The following ST6GAL1 variants were observed in gnomAD, a reference collection of about 807,000 sequenced individuals.
ST6GAL1 encodes the protein ST6 beta-galactoside alpha-2,6-sialyltransferase 1, also known as beta-galactoside alpha-2,6-sialyltransferase 1.
Under a neutral mutation model 38.0 loss-of-function variants are expected in ST6GAL1, and 20 were observed. The ratio of observed to expected loss-of-function variants is 0.53; its 90% CI spans 0.37 to 0.77. The LOEUF (loss-of-function observed/expected upper bound fraction) is 0.77, where lower values mean the gene tolerates loss of function less well. Among genes scored for constraint, ST6GAL1 ranks in the 30% least tolerant of loss-of-function variants. The pLI, the probability that ST6GAL1 is intolerant of heterozygous loss-of-function variation, is 0.00. For missense variants in ST6GAL1, 432 were observed against 496.4 expected, an observed-to-expected ratio of 0.87 and a Z score of 1.23; for synonymous variants, 196 against 188.2, an observed-to-expected ratio of 1.04 and a Z score of -0.34.
At chr3:186,987,725 C>T (rs1716001564) in intron 2 of ST6GAL1, among the ~76,000 whole-genome samples, 1 of 152,192 alleles carries the variant, frequency 6.6e-6, no homozygotes, top group Non-Finnish European at 1.5e-5. Context: ...TATAAACCAA[C>T]TGTATCAGGC....
chr3:187,038,045 T>G (rs996629956), intron 2 of ST6GAL1, among the ~76,000 whole-genome samples: 8 of 152,072 alleles, frequency 5.3e-5, no homozygotes, highest in Non-Finnish European at 1.0e-4. Context: ...TAAATAATTT[T>G]TTGAAAATCT....
chr3:187,059,277 G>A (rs902964633), intron 5 of ST6GAL1, among the ~76,000 whole-genome samples: 5 of 152,164 alleles, frequency 3.3e-5, no homozygotes, highest in Admixed American at 6.5e-5. Flanking sequence ...GCCTTGCCCC[G>A]TAGAGAGAGA....
At chr3:186,936,956 A>AAG (rs1713978428) in intron 1 of ST6GAL1, among the ~76,000 whole-genome samples, 1 of 129,336 alleles carries the variant, frequency 7.7e-6, no homozygotes, top group African/African-American at 3.1e-5. Context: ...AAAAAAAAAA[A>AAG]AAAAAAGAAA....
In ST6GAL1 at chr3:187,049,331, C is replaced by G. The variant is rs537883110; in HGVS notation, c.608-1918C>G. On this transcript the variant is annotated intron_variant, in intron 4 of 7. Coordinates refer to ENST00000169298, the MANE Select transcript of ST6GAL1 (RefSeq NM_173216.2). ...ACCTATTCCGCCATGTTTCGCCTTG[C>G]AGAGTAAACTCAAGCTGTATCTTTC... Among the ~76,000 whole-genome samples, 3 of 152,334 alleles carry G rather than the reference C, an allele frequency of 2.0e-5. No individual in the cohort carries two copies. The South Asian group carries it at 6.2e-4, about 32-fold the overall frequency.
chr3:186,940,747 T>C (rs1714138341), intron 1 of ST6GAL1, among the ~76,000 whole-genome samples: 1 of 151,884 alleles, frequency 6.6e-6, no homozygotes, highest in Non-Finnish European at 1.5e-5. Context: ...GCCTTGTTCA[T>C]TTTACTGTGT....
rs186475993 is a variant in ST6GAL1, at chr3:186,956,653, T to C, written c.-324-7132T>C. Among the ~76,000 whole-genome samples the C allele has an allele frequency of 5.6e-3, 857 of 152,322 alleles. 3 individuals carry two copies. Among genetic ancestry groups the C allele is most frequent in the Middle Eastern group, 0.044 (13 of 294 alleles). Reference sequence around the variant, plus strand: ...GCTAGAGGAGTCTTTCTGCATAAACTTAAGAGCCCAAGAGAAAAAGCCTAT... The same window carrying C: ...GCTAGAGGAGTCTTTCTGCATAAACCTAAGAGCCCAAGAGAAAAAGCCTAT... On this transcript the variant is annotated intron_variant, in intron 1 of 7. Transcript: ENST00000169298.
intron 1 of ST6GAL1, among the ~76,000 whole-genome samples, chr3:186,958,933 A>T (rs1322248716): frequency 6.8e-6 from 1 of 147,924 alleles, no homozygotes; most frequent in East Asian, 2.0e-4. Flanking sequence ...AGTCAGGGTG[A>T]CAGAGCGAGA....
At chr3:186,994,482 A>T (rs190244804) in intron 2 of ST6GAL1, among the ~76,000 whole-genome samples, 1 of 152,154 alleles carries the variant, frequency 6.6e-6, no homozygotes, top group African/African-American at 2.4e-5. Context: ...TAAACAGACC[A>T]TATATTCTGT....
At chr3:186,992,600 C>A (rs2108546522) in intron 2 of ST6GAL1, among the ~76,000 whole-genome samples, 1 of 152,254 alleles carries the variant, frequency 6.6e-6, no homozygotes, top group South Asian at 2.1e-4. Flanking sequence ...TCAAGACCAG[C>A]CTGGCCAACA....
intron 2 of ST6GAL1, among the ~76,000 whole-genome samples, chr3:186,999,160 A>G (rs1716521061): frequency 6.6e-6 from 1 of 152,202 alleles, no homozygotes; most frequent in Non-Finnish European, 1.5e-5. Flanking sequence ...TTTTAAATGC[A>G]TATGCGAAAG....
intron 5 of ST6GAL1, chr3:187,072,641 G>A (rs1382845708): frequency 1.1e-5 from 6 of 550,198 alleles, no homozygotes; most frequent in African/African-American, 1.9e-5. Context: ...TATGGCTAGT[G>A]GCTTGTGATA....
intron 2 of ST6GAL1, among the ~76,000 whole-genome samples, chr3:186,987,252 G>GAAGAAAGA (rs1342235247): frequency 6.7e-6 from 1 of 150,144 alleles, no homozygotes. Flanking sequence ...GGAAAGAAAG[G>GAAGAAAGA]AAGAAAGAAA....
chr3:186,994,058 T>C (rs1451758179), intron 2 of ST6GAL1, among the ~76,000 whole-genome samples: 1 of 152,220 alleles, frequency 6.6e-6, no homozygotes, highest in Non-Finnish European at 1.5e-5. Context: ...GGGATGAGAT[T>C]GTCTTCAATC....
intron 5 of ST6GAL1, among the ~76,000 whole-genome samples, chr3:187,058,918 GGCGTGAGCCATCGT>G (rs1172737425): frequency 1.3e-5 from 2 of 152,162 alleles, no homozygotes; most frequent in Non-Finnish European, 2.9e-5. Flanking sequence ...TAGTATTACA[GGCGTGAGCCATCGT>G]GCCTGGCCTA....
Position 186,952,262 on chromosome 3 carries a change from C to T in ST6GAL1, c.-324-11523C>T, listed in dbSNP as rs191195511. 6.6e-6 allele frequency among the ~76,000 whole-genome samples: 1 copy of T among 152,232 alleles called. No homozygotes were observed. Among genetic ancestry groups the T allele is most frequent in the East Asian group, 1.9e-4 (1 of 5,174 alleles). ...ACTCAACATGATCAGTCTTTTGTAC[C>T]CATCACACCACCAAAACCATACCGG... On this transcript the variant is annotated intron_variant, in intron 1 of 7. Coordinates refer to ENST00000169298, the MANE Select transcript of ST6GAL1 (RefSeq NM_173216.2). This position sits in a 1 kb window ranked among gnomAD's most constrained non-coding sequence, Gnocchi z 4.1.
chr3:186,956,091 G>T (rs1266985157), intron 1 of ST6GAL1, among the ~76,000 whole-genome samples: 2 of 152,030 alleles, frequency 1.3e-5, no homozygotes, highest in Non-Finnish European at 2.9e-5. Flanking sequence ...TCTCTGTGGA[G>T]CCTGGCCTTC....
At chr3:186,934,511 G>A (rs1394507787) in intron 1 of ST6GAL1, among the ~76,000 whole-genome samples, 1 of 150,564 alleles carries the variant, frequency 6.6e-6, no homozygotes, top group Non-Finnish European at 1.5e-5. Flanking sequence ...GCAGTGAGCC[G>A]CGATCTCACC....
At chr3:186,956,811 C>A (rs1714764965) in intron 1 of ST6GAL1, among the ~76,000 whole-genome samples, 1 of 152,130 alleles carries the variant, frequency 6.6e-6, no homozygotes, top group Non-Finnish European at 1.5e-5. Context: ...TCTCACTTTT[C>A]AATTTAAAAA....
intron 2 of ST6GAL1, among the ~76,000 whole-genome samples, chr3:186,988,116 C>CTT (rs1042038275): frequency 3.7e-4 from 57 of 152,334 alleles, no homozygotes; most frequent in African/African-American, 1.3e-3. Context: ...GAAGCATACA[C>CTT]TTTAATTGAC....
Sources: allele counts gnomAD v4.1 joint callset (sites outside exome capture counted in the v4.1 genomes callset), GRCh38; gene constraint gnomAD v4.1.1; non-coding constraint Gnocchi (gnomAD v3.1); transcripts MANE v1.5; gene names NCBI Gene and HGNC (gene_info 2026-07-23, HGNC 2026-07-21).